The following COL5A1 variants were observed in gnomAD, a reference collection of about 807,000 sequenced individuals.
COL5A1 encodes collagen type V alpha 1 chain.
Under a neutral mutation model 263.7 loss-of-function variants are expected in COL5A1, and 16 were observed. The observed-to-expected ratio is 0.06, with a 90% CI of 0.04 to 0.09. The LOEUF is 0.09. COL5A1 is among the 10% of genes least tolerant of loss of function. The pLI is 1.00. For synonymous variants in COL5A1, 1,012 were observed against 1,004.5 expected (o/e 1.01, Z -0.14); for missense variants, 2,036 against 2,540.5 (o/e 0.80, Z 4.27).
chr9:134,729,988 G>C (rs1277983335), intron 6 of COL5A1, among the ~76,000 whole-genome samples: 1 of 152,208 alleles, frequency 6.6e-6, no homozygotes, highest in Admixed American at 6.5e-5. Flanking sequence ...GGGTGGGTTT[G>C]AGTCCATTCT....
At chr9:134,735,041 T>G (rs1426265609) in intron 9 of COL5A1, among the ~76,000 whole-genome samples, 1 of 151,926 alleles carries the variant, frequency 6.6e-6, no homozygotes, top group Non-Finnish European at 1.5e-5. Flanking sequence ...CAAAACCCTG[T>G]CTTTACTAAA....
rs528152331 is a variant in COL5A1 at position 134,684,295 on chromosome 9, G to A, written c.110-6617G>A. ...CATTCCATCAGCTCCTGTAGGTGCC[G>A]GAGCCCTGTACAGATGTCCAGCAGC... is the stretch of plus-strand genomic sequence containing the variant. On this transcript the variant is annotated intron_variant, in intron 1 of 65. Coordinates refer to ENST00000371817, the MANE Select transcript of COL5A1 (RefSeq NM_000093.5). Among the ~76,000 whole-genome samples the A allele has an allele frequency of 5.9e-5, 9 of 152,262 alleles. No individual in the cohort carries two copies. In the East Asian group the frequency reaches 9.7e-4, roughly 16 times the overall value.
intron 31 of COL5A1, among the ~76,000 whole-genome samples, chr9:134,788,949 T>A (rs1837572762): frequency 9.1e-6 from 1 of 110,330 alleles, no homozygotes; most frequent in South Asian, 3.1e-4. Flanking sequence ...GGCGGATGAG[T>A]GGGTGGGTGG....
chr9:134,814,986 C>G, intron 50 of COL5A1, 82 bp downstream of exon 50: 2 of 980,218 alleles, frequency 2.0e-6, no homozygotes, highest in Admixed American at 2.3e-5. Flanking sequence ...ACTGGCGGTG[C>G]ACTCTGCTCT....
At chr9:134,783,786 G>GTTGTC (rs1837351430) in intron 29 of COL5A1, among the ~76,000 whole-genome samples, 1 of 152,222 alleles carries the variant, frequency 6.6e-6, no homozygotes, top group Non-Finnish European at 1.5e-5. Context: ...CTTGCGCAAT[G>GTTGTC]TTGTCCCAGT....
chr9:134,713,567 C>T (rs982081871), intron 4 of COL5A1, among the ~76,000 whole-genome samples: 7 of 152,202 alleles, frequency 4.6e-5, no homozygotes, highest in African/African-American at 1.7e-4. Flanking sequence ...GAAATTCAAT[C>T]AGGATAAACG....
At chr9:134,711,977 C>T (rs1006711959) in intron 4 of COL5A1, among the ~76,000 whole-genome samples, 1 of 146,482 alleles carries the variant, frequency 6.8e-6, no homozygotes, top group African/African-American at 2.5e-5. Context: ...TACCCTGGCC[C>T]CCTTCCTGTC....
At chr9:134,802,536 G>C (rs568382994) in intron 38 of COL5A1, among the ~76,000 whole-genome samples, 1 of 152,350 alleles carries the variant, frequency 6.6e-6, no homozygotes, top group East Asian at 1.9e-4. Flanking sequence ...AGGGCATGTG[G>C]GCTCTGCCCC....
intron 1 of COL5A1, among the ~76,000 whole-genome samples, chr9:134,674,335 C>CA (rs1832628461): frequency 6.6e-6 from 1 of 152,150 alleles, no homozygotes; most frequent in South Asian, 2.1e-4. Context: ...AGTGCCCGAA[C>CA]AGGGTGGCAC....
chr9:134,727,787 C>G (rs1030376961), intron 5 of COL5A1, among the ~76,000 whole-genome samples: 3 of 152,162 alleles, frequency 2.0e-5, no homozygotes, highest in Non-Finnish European at 4.4e-5. Context: ...CTGGGCTTGT[C>G]TACTGTAGAA....
In COL5A1 at chr9:134,818,308, G is replaced by T. The variant is rs949921273; in HGVS notation, c.4231-348G>T. Among the ~76,000 whole-genome samples the T allele has an allele frequency of 4.6e-5, 7 of 152,286 alleles. No homozygotes were observed. In the South Asian group the frequency reaches 6.2e-4, roughly 14 times the overall value. On this transcript the variant is annotated intron_variant, in intron 54 of 65. Transcript: ENST00000371817. The surrounding 1 kb of genome is among the most constrained non-coding windows in gnomAD (Gnocchi z 6.0). The stretch of plus-strand genomic sequence containing the variant: ...GAGGCTATTCTGTCAGTGAGGTGAT[G>T]GCGGCCCGGCCTGGCACTGTCTGCC...
At chr9:134,806,143 C>T (rs1361080643) in intron 41 of COL5A1, 46 bp from the exon 42 acceptor site, 1 of 1,387,150 alleles carries the variant, frequency 7.2e-7, no homozygotes, top group Non-Finnish European at 1.0e-6. Flanking sequence ...CACGACCACG[C>T]AGTCTGAGAG....
intron 27 of COL5A1, 102 bp from the exon 28 acceptor site, chr9:134,780,000 G>C (rs1225832816): frequency 7.4e-7 from 1 of 1,350,452 alleles, no homozygotes; most frequent in East Asian, 2.3e-5. Flanking sequence ...GGCCTCATCT[G>C]TCAGCTTCAG....
At chr9:134,747,343 A>G (rs1835553213) in intron 11 of COL5A1, among the ~76,000 whole-genome samples, 1 of 152,202 alleles carries the variant, frequency 6.6e-6, no homozygotes, top group African/African-American at 2.4e-5. Context: ...GGTCTTTGGA[A>G]ATGGACAGCA....
intron 11 of COL5A1, among the ~76,000 whole-genome samples, chr9:134,740,604 C>T (rs1231006965): frequency 6.6e-6 from 1 of 152,246 alleles, no homozygotes; most frequent in Non-Finnish European, 1.5e-5. Context: ...TCTATCCATC[C>T]AGCGTACAGA....
chr9:134,829,119 A>ATCATTCAT (rs55712373), intron 63 of COL5A1, among the ~76,000 whole-genome samples: 13 of 151,920 alleles, frequency 8.6e-5, no homozygotes, highest in Admixed American at 6.6e-4. Flanking sequence ...CCCTTGGTCC[A>ATCATTCAT]TCATTCATTC....
chr9:134,808,681 T>C (rs1179034526), intron 42 of COL5A1, among the ~76,000 whole-genome samples: 3 of 152,214 alleles, frequency 2.0e-5, no homozygotes, highest in Admixed American at 2.0e-4. Context: ...CATGTGTGCA[T>C]GTATGCACAT....
chr9:134,659,486 C>T (rs1832134426), intron 1 of COL5A1, among the ~76,000 whole-genome samples: 2 of 152,192 alleles, frequency 1.3e-5, no homozygotes, highest in African/African-American at 4.8e-5. Flanking sequence ...TCCAGGCCTT[C>T]CGAGAGTGCC....
At chr9:134,834,224 C>A (rs1839763376) in intron 64 of COL5A1, among the ~76,000 whole-genome samples, 4 of 152,236 alleles carry the variant, frequency 2.6e-5, no homozygotes, top group Admixed American at 2.6e-4. Context: ...GGCTCGCCTG[C>A]TGCTCCAGGT....
Sources: allele counts gnomAD v4.1 joint callset (sites outside exome capture counted in the v4.1 genomes callset), GRCh38; gene constraint gnomAD v4.1.1; non-coding constraint Gnocchi (gnomAD v3.1); transcripts MANE v1.5; gene names NCBI Gene and HGNC (gene_info 2026-07-23, HGNC 2026-07-21).